PRKG1: variants seen among roughly 807,000 people sequenced by gnomAD.
PRKG1 encodes the protein cGMP-dependent protein kinase 1.
Under a neutral mutation model 88.1 loss-of-function variants are expected in PRKG1, and 35 were observed. That is an observed-to-expected ratio of 0.40 (90% CI 0.30 to 0.53). PRKG1 has a LOEUF of 0.53. Ranked by LOEUF, PRKG1 falls within the 20% of genes least tolerant of loss-of-function variation. The pLI, the probability that PRKG1 is intolerant of heterozygous loss-of-function variation, is 0.59. For synonymous variants in PRKG1, 303 were observed against 292.5 expected (o/e 1.04, Z -0.37); for missense variants, 540 against 839.8 (o/e 0.64, Z 4.41).
At chr10:51,633,576 T>A (rs1371384396) in intron 3 of PRKG1, among the ~76,000 whole-genome samples, 1 of 152,146 alleles carries the variant, frequency 6.6e-6, no homozygotes, top group African/African-American at 2.4e-5. Flanking sequence ...ATAAACATGA[T>A]AATGAATGAC....
chr10:52,154,810 C>T (rs1034076040), intron 8 of PRKG1, among the ~76,000 whole-genome samples: 1 of 152,206 alleles, frequency 6.6e-6, no homozygotes, highest in Non-Finnish European at 1.5e-5. Flanking sequence ...ACCCTTCTCC[C>T]CTGAGTCCCC....
chr10:51,128,570 G>A (rs369238591), intron 1 of PRKG1, among the ~76,000 whole-genome samples: 47 of 152,236 alleles, frequency 3.1e-4, no homozygotes, highest in African/African-American at 1.1e-3. Context: ...GTGACCTCTA[G>A]GCTGAACAGA....
intron 1 of PRKG1, among the ~76,000 whole-genome samples, chr10:51,136,899 T>A (rs2131947020): frequency 6.6e-6 from 1 of 152,282 alleles, no homozygotes; most frequent in African/African-American, 2.4e-5. Context: ...TTAGTAATTA[T>A]TAATTAATTG....
chr10:52,254,455 TA>T (rs1424280914), intron 10 of PRKG1, among the ~76,000 whole-genome samples: 2 of 152,028 alleles, frequency 1.3e-5, no homozygotes, highest in Non-Finnish European at 2.9e-5. Flanking sequence ...CATTTCAAGA[TA>T]ATACCATAAG....
chr10:51,614,877 G>A (rs1385611408), intron 3 of PRKG1, among the ~76,000 whole-genome samples: 1 of 151,636 alleles, frequency 6.6e-6, no homozygotes, highest in Non-Finnish European at 1.5e-5. Context: ...TACTTTTTCT[G>A]ATTATAGTAT....
At chr10:51,179,359 C>T (rs534564057) in intron 2 of PRKG1, among the ~76,000 whole-genome samples, 16 of 152,282 alleles carry the variant, frequency 1.1e-4, no homozygotes, top group African/African-American at 2.9e-4. Flanking sequence ...GCAGACAAAA[C>T]TTAAATGAAG....
chr10:52,190,127 C>G (rs1839327064), intron 9 of PRKG1, among the ~76,000 whole-genome samples: 1 of 152,148 alleles, frequency 6.6e-6, no homozygotes, highest in South Asian at 2.1e-4. Context: ...ATACTGGTAA[C>G]AGTGAGGAGG....
chr10:51,719,395 A>G lies in PRKG1; in HGVS notation c.593-85190A>G, dbSNP rs1484841700. On this transcript the variant is annotated intron_variant, in intron 3 of 17. Transcript: ENST00000373980. The stretch of plus-strand genomic sequence containing the variant: ...CATGATCTGATAAGAGGGATATTTT[A>G]CTTCTGTGATAATCATCTCCCAAAT... 2.0e-5 allele frequency among the ~76,000 whole-genome samples: 3 copies of G among 152,202 alleles called. 1 individual carries two copies. The highest frequency in any genetic ancestry group is 3.8e-4 in the East Asian group (2 of 5,200).
intron 8 of PRKG1, among the ~76,000 whole-genome samples, chr10:52,147,858 C>G (rs1837776329): frequency 6.6e-6 from 1 of 152,044 alleles, no homozygotes; most frequent in Non-Finnish European, 1.5e-5. Context: ...AACCTAACAG[C>G]AAGTCTGGAT....
At chr10:51,089,101 A>AGATTGG (rs1282063638) in intron 1 of PRKG1, among the ~76,000 whole-genome samples, 1 of 152,160 alleles carries the variant, frequency 6.6e-6, no homozygotes, top group Non-Finnish European at 1.5e-5. Context: ...TCCATTTTTC[A>AGATTGG]GATTGGGATT....
intron 3 of PRKG1, among the ~76,000 whole-genome samples, chr10:51,722,445 A>T (rs1842036195): frequency 6.6e-6 from 1 of 151,750 alleles, no homozygotes; most frequent in Admixed American, 6.6e-5. Flanking sequence ...ATATTTATTT[A>T]TCATATATAT....
At chr10:51,662,063 A>C (rs1210641281) in intron 3 of PRKG1, among the ~76,000 whole-genome samples, 1 of 152,030 alleles carries the variant, frequency 6.6e-6, no homozygotes, top group African/African-American at 2.4e-5. Flanking sequence ...AACATCACAC[A>C]CTGGGGCCTG....
At position 52,271,367 on chromosome 10, in the gene PRKG1, A is replaced by G. The variant is rs1267261396; in HGVS notation, c.1191A>G (p.Glu397=). 4 of 1,612,532 alleles carry G rather than the reference A, an allele frequency of 2.5e-6. No homozygotes were observed. Among genetic ancestry groups the G allele is most frequent in the Admixed American group, 1.7e-5 (1 of 59,836 alleles). The change falls in exon 11 of 18, where the codon GAA becomes GAG. Residue 397 remains glutamate (E), a synonymous_variant. Coordinates refer to ENST00000373980, the MANE Select transcript of PRKG1 (RefSeq NM_006258.4). ...TCTTTAAGGTCCAGTTGAAAAGTGAAGAATCCAAAACGTTTGCAATGAAGA... is the reference window on the plus strand; with the variant it reads ...TCTTTAAGGTCCAGTTGAAAAGTGAGGAATCCAAAACGTTTGCAATGAAGA... ...GRVELVQLKS[E]ESKTFAMKIL...
intron 2 of PRKG1, among the ~76,000 whole-genome samples, chr10:51,394,715 A>G (rs1385103377): frequency 6.6e-6 from 1 of 152,210 alleles, no homozygotes; most frequent in African/African-American, 2.4e-5. Context: ...GTATCAATTA[A>G]CTTGATCCTC....
rs566507720 is a variant in PRKG1 at position 51,127,962 on chromosome 10, G to GT, written c.312-25201dup. Among the ~76,000 whole-genome samples the GT allele has an allele frequency of 3.9e-3, 587 of 152,142 alleles. 2 individuals carry two copies. The highest frequency in any genetic ancestry group is 0.014 in the African/African-American group (568 of 41,506). On this transcript the variant is annotated intron_variant, in intron 1 of 17. Coordinates refer to ENST00000373980, the MANE Select transcript of PRKG1 (RefSeq NM_006258.4). Reference sequence around the variant, plus strand: ...ATCACACACCGAAGCCTGTTCAGGGGTGGGGGGCAAGGGAAGGGAGAGCAT... The same window carrying GT: ...ATCACACACCGAAGCCTGTTCAGGGGTTGGGGGGCAAGGGAAGGGAGAGCAT...
chr10:52,293,449 G>A (rs150761684), intron 17 of PRKG1, among the ~76,000 whole-genome samples: 571 of 152,126 alleles, frequency 3.8e-3, no homozygotes, highest in African/African-American at 9.5e-3. Flanking sequence ...AGCCTGCATC[G>A]CCAAGTCAAT....
chr10:51,785,932 C>A (rs1789856779), intron 3 of PRKG1, among the ~76,000 whole-genome samples: 1 of 152,148 alleles, frequency 6.6e-6, no homozygotes, highest in African/African-American at 2.4e-5. Context: ...AATAACGCAT[C>A]TGTAGCTAGT....
intron 3 of PRKG1, among the ~76,000 whole-genome samples, chr10:51,787,647 G>A (rs147214156): frequency 1.3e-5 from 2 of 152,086 alleles, no homozygotes; most frequent in Admixed American, 6.6e-5. Context: ...CAAATGGTGC[G>A]AGCAAATATT....
intron 7 of PRKG1, among the ~76,000 whole-genome samples, chr10:52,087,451 T>G (rs747338709): frequency 5.3e-5 from 8 of 152,214 alleles, no homozygotes; most frequent in African/African-American, 9.6e-5. Flanking sequence ...TTTCACAATT[T>G]ATGATTTATC....
Sources: allele counts gnomAD v4.1 joint callset (sites outside exome capture counted in the v4.1 genomes callset), GRCh38; gene constraint gnomAD v4.1.1; transcripts MANE v1.5; gene names NCBI Gene and HGNC (gene_info 2026-07-23, HGNC 2026-07-21).